CUL4A: variants seen among roughly 807,000 people sequenced by gnomAD.
The protein encoded by CUL4A is cullin-4A.
CUL4A carries 16 observed loss-of-function variants against 95.5 expected under a neutral mutation model. That is an observed-to-expected ratio of 0.17 (90% CI 0.11 to 0.25). CUL4A has a LOEUF of 0.25. Among genes scored for constraint, CUL4A ranks in the 10% least tolerant of loss-of-function variants. The pLI, the probability that CUL4A is intolerant of heterozygous loss-of-function variation, is 1.00. For synonymous variants in CUL4A, 380 were observed against 353.1 expected, an observed-to-expected ratio of 1.08 and a Z score of -0.85; for missense variants, 610 against 937.0, an observed-to-expected ratio of 0.65 and a Z score of 4.56.
At chr13:113,244,896 A>T in intron 12 of CUL4A, 53 bp from the exon 13 acceptor site, 1 of 1,189,100 alleles carries the variant, frequency 8.4e-7, no homozygotes, top group Non-Finnish European at 1.2e-6. Context: ...GAAGTTTAAC[A>T]TTTGCTTATC....
At chr13:113,257,482 G>C (rs1001866779) in intron 18 of CUL4A, among the ~76,000 whole-genome samples, 5 of 152,154 alleles carry the variant, frequency 3.3e-5, no homozygotes, top group Non-Finnish European at 5.9e-5. Flanking sequence ...AGCTTCTGAC[G>C]AGGCCTCAGG....
At position 113,254,667 on chromosome 13, in the gene CUL4A, A is replaced by T. The variant is rs1223608074; in HGVS notation, c.1753-26A>T. 5 of 1,396,616 alleles carry T rather than the reference A, an allele frequency of 3.6e-6. No homozygotes were observed. In the African/African-American group the frequency reaches 4.4e-5, roughly 12 times the overall value. 86.5% of individuals were successfully genotyped at this position (1,396,616 alleles called of 1,614,324 possible). On this transcript the variant is annotated intron_variant, in intron 16 of 19. Transcript: ENST00000375440. ...AAAGATTGTACATGCACAGCTTCAGAGGTGTGATGAGGCCTTCTCTTCCAG... is the reference window on the plus strand; with the variant it reads ...AAAGATTGTACATGCACAGCTTCAGTGGTGTGATGAGGCCTTCTCTTCCAG...
chr13:113,239,307 C>T (rs2041636815), intron 9 of CUL4A, 126 bp from the exon 10 acceptor site: 4 of 785,450 alleles, frequency 5.1e-6, no homozygotes, highest in African/African-American at 3.4e-5. Flanking sequence ...GTAGAGGCAG[C>T]GATGTGGAGA....
chr13:113,229,550 T>A (rs1450599660), intron 5 of CUL4A, 31 bp downstream of exon 5: 2 of 1,564,874 alleles, frequency 1.3e-6, no homozygotes, highest in Admixed American at 1.7e-5. Flanking sequence ...GAGCTGCGTC[T>A]TCCCTGCAGC....
chr13:113,242,250 C>T (rs541440405), intron 10 of CUL4A, among the ~76,000 whole-genome samples: 9 of 150,108 alleles, frequency 6.0e-5, no homozygotes, highest in Non-Finnish European at 5.9e-5. Flanking sequence ...GGTGACAAAG[C>T]GAGAGTCCAT....
chr13:113,208,633 A>G (rs372247269), upstream of CUL4A: 8 of 1,607,092 alleles, frequency 5.0e-6, no homozygotes, highest in African/African-American at 1.3e-5. Flanking sequence ...AATGTGCGCC[A>G]TGGGAGCGCC....
At chr13:113,237,002 G>T in intron 9 of CUL4A, 112 bp downstream of exon 9, 2 of 680,310 alleles carry the variant, frequency 2.9e-6, no homozygotes. Context: ...ATTTTCATAA[G>T]ACAGTCATTA....
At chr13:113,252,109 T>A (rs531566709) in intron 15 of CUL4A, among the ~76,000 whole-genome samples, 5 of 151,232 alleles carry the variant, frequency 3.3e-5, no homozygotes, top group African/African-American at 9.7e-5. Context: ...CATGGGAGAG[T>A]CACACACAGC....
At chr13:113,248,650 A>G (rs1275507587) in intron 15 of CUL4A, among the ~76,000 whole-genome samples, 2 of 152,226 alleles carry the variant, frequency 1.3e-5, no homozygotes, top group African/African-American at 4.8e-5. Flanking sequence ...GGACTCCCAC[A>G]GATACTAAAA....
At chr13:113,221,841 G>A (rs2040909578) in intron 3 of CUL4A, among the ~76,000 whole-genome samples, 1 of 152,212 alleles carries the variant, frequency 6.6e-6, no homozygotes, top group Non-Finnish European at 1.5e-5. Context: ...CTCCCAAAGT[G>A]CTGGGATTAC....
intron 19 of CUL4A, among the ~76,000 whole-genome samples, chr13:113,261,921 C>A (rs1296616911): frequency 6.6e-6 from 1 of 152,172 alleles, no homozygotes; most frequent in South Asian, 2.1e-4. Flanking sequence ...GCTGGGCTTA[C>A]AGGCACGCGC....
chr13:113,245,742 G>A (rs568316774), intron 14 of CUL4A, among the ~76,000 whole-genome samples: 1 of 152,300 alleles, frequency 6.6e-6, no homozygotes, highest in Admixed American at 6.5e-5. Flanking sequence ...CGTGTGGCAA[G>A]AATTTTATTT....
At chr13:113,262,335 C>T (rs1216262145) in intron 19 of CUL4A, among the ~76,000 whole-genome samples, 1 of 152,128 alleles carries the variant, frequency 6.6e-6, no homozygotes, top group East Asian at 1.9e-4. Context: ...ACATGGCATG[C>T]AATAACTATG....
intron 2 of CUL4A, among the ~76,000 whole-genome samples, chr13:113,213,775 T>G (rs1330942074): frequency 6.6e-6 from 1 of 152,202 alleles, no homozygotes; most frequent in Non-Finnish European, 1.5e-5. Flanking sequence ...TGGTTCCTCC[T>G]TGGAATGAGA....
chr13:113,258,222 C>T (rs745877763), intron 18 of CUL4A, among the ~76,000 whole-genome samples: 10 of 152,156 alleles, frequency 6.6e-5, no homozygotes, highest in South Asian at 2.1e-4. Context: ...AACTCCTGGG[C>T]TCAAGCAGTC....
chr13:113,232,067 GTCACCACTACCCGCCCACCACCATTA>G (rs1340795975), intron 5 of CUL4A, among the ~76,000 whole-genome samples: 84 of 135,712 alleles, frequency 6.2e-4, no homozygotes, highest in Middle Eastern at 3.9e-3. Context: ...CACCATTACT[GTCACCACTACCCGCCCACCACCATTA>G]CTGTCACCAC....
rs780698412 is a variant in CUL4A, at chr13:113,233,373, C to T, written c.675+34C>T. ...TGCCTGTGCGGAAGATACCTGGGTA[C>T]CTGCCCAGCTACTTGCACCAGAATA... is the stretch of plus-strand genomic sequence containing the variant. On this transcript the variant is annotated intron_variant, in intron 6 of 19. Coordinates refer to ENST00000375440, the MANE Select transcript of CUL4A (RefSeq NM_001008895.4). 1.9e-6 allele frequency: 3 copies of T among 1,579,754 alleles called. No homozygotes were observed. The East Asian group carries it at 6.7e-5, about 35-fold the overall frequency.
chr13:113,217,314 G>A (rs2040730426), intron 2 of CUL4A, among the ~76,000 whole-genome samples: 1 of 152,178 alleles, frequency 6.6e-6, no homozygotes, highest in African/African-American at 2.4e-5. Flanking sequence ...TGAAGATATG[G>A]AATTCAAAGG....
chr13:113,220,517 G>A (rs2040858228), intron 3 of CUL4A, among the ~76,000 whole-genome samples: 2 of 152,344 alleles, frequency 1.3e-5, no homozygotes, highest in African/African-American at 4.8e-5. Context: ...AGGAACCTAC[G>A]TTCCAGATGT....
Sources: allele counts gnomAD v4.1 joint callset (sites outside exome capture counted in the v4.1 genomes callset), GRCh38; gene constraint gnomAD v4.1.1; transcripts MANE v1.5; gene names NCBI Gene and HGNC (gene_info 2026-07-23, HGNC 2026-07-21).